The following PDE8B variants were observed in gnomAD, a reference collection of about 807,000 sequenced individuals.
PDE8B encodes high affinity cAMP-specific and IBMX-insensitive 3',5'-cyclic phosphodiesterase 8B.
Under a neutral mutation model 101.3 loss-of-function variants are expected in PDE8B, and 26 were observed. That is an observed-to-expected ratio of 0.26 (90% confidence interval 0.19 to 0.36). The LOEUF is 0.36. Among genes scored for constraint, PDE8B ranks in the 10% least tolerant of loss-of-function variants. PDE8B has a pLI of 1.00. For missense variants in PDE8B, 810 were observed against 1,163.1 expected (o/e 0.70, Z 4.42); for synonymous variants, 424 against 429.3 (o/e 0.99, Z 0.15).
the PDE8B span, among the ~76,000 whole-genome samples, chr5:77,110,785 A>G: frequency 1.3e-5 from 2 of 152,230 alleles, no homozygotes; most frequent in Non-Finnish European, 2.9e-5. Context: ...CATGGCCTCT[A>G]GCTGATCCCC....
chr5:77,139,459 T>C, the PDE8B span: 1 of 152,236 alleles, frequency 6.6e-6, no homozygotes, highest in Admixed American at 6.5e-5. Context: ...CAGCAGTAGG[T>C]ATCAATACAG....
chr5:77,356,631 T>C (rs906632426), intron 10 of PDE8B, among the ~76,000 whole-genome samples: 4 of 152,154 alleles, frequency 2.6e-5, no homozygotes, highest in Non-Finnish European at 4.4e-5. Context: ...GGTTTCACCA[T>C]GTTGGCCAGG....
intron 2 of PDE8B, among the ~76,000 whole-genome samples, chr5:77,322,745 G>A (rs530760192): frequency 2.6e-5 from 4 of 152,256 alleles, no homozygotes; most frequent in East Asian, 3.9e-4. Flanking sequence ...CTGCTCTGCC[G>A]GGTTTCACAT....
chr5:77,293,024 T>C (rs1309012957), intron 1 of PDE8B, among the ~76,000 whole-genome samples: 1 of 152,168 alleles, frequency 6.6e-6, no homozygotes, highest in Non-Finnish European at 1.5e-5. Flanking sequence ...TTTGGGTATA[T>C]GTCATGATGC....
chr5:77,247,247 T>A (rs1339575464), intron 1 of PDE8B, among the ~76,000 whole-genome samples: 1 of 152,150 alleles, frequency 6.6e-6, no homozygotes, highest in Admixed American at 6.5e-5. Flanking sequence ...CTCACAGGTG[T>A]ACTTTTCTCC....
chr5:77,266,044 G>T (rs571439524), intron 1 of PDE8B, among the ~76,000 whole-genome samples: 6 of 152,360 alleles, frequency 3.9e-5, no homozygotes, highest in Non-Finnish European at 7.3e-5. Flanking sequence ...GCATGATAGG[G>T]ATGGCCAAGT....
chr5:77,257,362 A>T (rs559232317), intron 1 of PDE8B, among the ~76,000 whole-genome samples: 2 of 152,332 alleles, frequency 1.3e-5, no homozygotes, highest in African/African-American at 4.8e-5. Flanking sequence ...CAGAAAGCTT[A>T]AAAGTATAGA....
chr5:77,373,663 A>G (rs1379835751), intron 10 of PDE8B, among the ~76,000 whole-genome samples: 2 of 152,102 alleles, frequency 1.3e-5, no homozygotes, highest in African/African-American at 4.8e-5. Flanking sequence ...TGTTGCATTT[A>G]TCAGTTTATT....
intron 1 of PDE8B, among the ~76,000 whole-genome samples, chr5:77,242,553 T>C (rs1187282591): frequency 6.6e-6 from 1 of 152,260 alleles, no homozygotes; most frequent in Non-Finnish European, 1.5e-5. Flanking sequence ...ATAGGTATGA[T>C]TTGGAGATCC....
chr5:77,381,345 T>C, intron 10 of PDE8B, among the ~76,000 whole-genome samples: 1 of 152,162 alleles, frequency 6.6e-6, no homozygotes, highest in East Asian at 1.9e-4. Flanking sequence ...ATGGACTGGC[T>C]CTGGGGAGGA....
the PDE8B span, among the ~76,000 whole-genome samples, chr5:77,109,601 C>T: frequency 2.0e-3 from 300 of 152,288 alleles, no homozygotes; most frequent in African/African-American, 6.6e-3. Context: ...TGGGAATTTT[C>T]GGTGTGCTCA....
intron 16 of PDE8B, among the ~76,000 whole-genome samples, chr5:77,412,704 G>A (rs1018699986): frequency 3.3e-5 from 5 of 152,134 alleles, no homozygotes; most frequent in African/African-American, 1.2e-4. Context: ...ATAAGTAACA[G>A]GACTCTAAAT....
At chr5:77,375,982 T>C (rs968183648) in intron 10 of PDE8B, among the ~76,000 whole-genome samples, 1 of 139,482 alleles carries the variant, frequency 7.2e-6, no homozygotes, top group Non-Finnish European at 1.5e-5. Flanking sequence ...AACCTCCGCC[T>C]CCCAGGTTCA....
chr5:77,377,870 A>C (rs1786468248), intron 10 of PDE8B, among the ~76,000 whole-genome samples: 1 of 152,120 alleles, frequency 6.6e-6, no homozygotes, highest in Admixed American at 6.6e-5. Context: ...AGGCTTTCAG[A>C]CTTCGGGACT....
At chr5:77,232,215 TTTAC>T (rs1271870055) in intron 1 of PDE8B, among the ~76,000 whole-genome samples, 1 of 152,386 alleles carries the variant, frequency 6.6e-6, no homozygotes, top group African/African-American at 2.4e-5. Context: ...GTATTTCACA[TTTAC>T]TTATGCAAAA....
chr5:77,106,601 A>G, the PDE8B span, among the ~76,000 whole-genome samples: 1 of 152,188 alleles, frequency 6.6e-6, no homozygotes, highest in Non-Finnish European at 1.5e-5. Context: ...ATTTCTATAT[A>G]GAGTTTAGAA....
chr5:77,416,896 A>G (rs538259180), intron 17 of PDE8B, among the ~76,000 whole-genome samples: 63 of 152,164 alleles, frequency 4.1e-4, no homozygotes, highest in African/African-American at 1.5e-3. Context: ...CCCTCTCACT[A>G]TCCCTTCAGC....
chr5:77,090,768 T>A, the PDE8B span, among the ~76,000 whole-genome samples: 4 of 152,208 alleles, frequency 2.6e-5, no homozygotes, highest in African/African-American at 7.2e-5. Context: ...TGTGTGTGTG[T>A]GTATGTGTGA....
At chr5:77,097,316 C>CT in the PDE8B span, among the ~76,000 whole-genome samples, 1 of 152,018 alleles carries the variant, frequency 6.6e-6, no homozygotes, top group Non-Finnish European at 1.5e-5. Context: ...CTCAGAATTA[C>CT]TTTTTTTGAG....
Sources: allele counts gnomAD v4.1 joint callset (sites outside exome capture counted in the v4.1 genomes callset), GRCh38; gene constraint gnomAD v4.1.1; transcripts MANE v1.5; gene names NCBI Gene and HGNC (gene_info 2026-07-23, HGNC 2026-07-21).